Variants in CYRIB observed in about 807,000 individuals in gnomAD.
CYRIB encodes the protein CYFIP related Rac1 interactor B.
CYRIB carries 8 observed loss-of-function variants against 44.2 expected under a neutral mutation model. The observed-to-expected ratio is 0.18, with a 90% CI of 0.11 to 0.33. The LOEUF (loss-of-function observed/expected upper bound fraction) is 0.33. Ranked by LOEUF, CYRIB falls within the 10% of genes least tolerant of loss-of-function variation. The pLI is 1.00. For synonymous variants in CYRIB, 131 were observed against 127.2 expected (o/e 1.03, Z -0.20); for missense variants, 185 against 382.8 (o/e 0.48, Z 4.31).
chr8:129,878,229 C>G (rs1430462029), intron 3 of CYRIB, among the ~76,000 whole-genome samples: 3 of 152,150 alleles, frequency 2.0e-5, no homozygotes, highest in Admixed American at 1.3e-4. Flanking sequence ...CAAACTGTAA[C>G]AGATCCTTTA....
chr8:129,963,481 A>G (rs771786727), intron 2 of CYRIB, among the ~76,000 whole-genome samples: 2 of 152,232 alleles, frequency 1.3e-5, no homozygotes, highest in South Asian at 2.1e-4. Context: ...TTTAAAGCCA[A>G]TAAGATAACT....
intron 11 of CYRIB, 39 bp downstream of exon 13, chr8:129,846,765 A>C (rs1199402026): frequency 7.1e-7 from 1 of 1,415,414 alleles, no homozygotes; most frequent in East Asian, 2.4e-5. Context: ...TTTTCCTTAC[A>C]GATTTTTTCT....
At position 129,906,402 on chromosome 8, in the gene CYRIB, T is replaced by C. The variant is rs1404624493; in HGVS notation, c.-49-3052A>G. Among the ~76,000 whole-genome samples, 3 of 152,308 alleles carry C rather than the reference T, an allele frequency of 2.0e-5. No homozygotes were observed. In the South Asian group the frequency reaches 6.2e-4, roughly 32 times the overall value. On this transcript the variant is annotated intron_variant, in intron 1 of 11. Transcript: ENST00000519824. Reference sequence around the variant, plus strand: ...GCTGGGAAAACTGGCTAGCCATATGTAGAAAGCTGAAACTGGATCCCTTCC... The same window carrying C: ...GCTGGGAAAACTGGCTAGCCATATGCAGAAAGCTGAAACTGGATCCCTTCC...
chr8:129,900,256 C>T (rs2135578921), intron 2 of CYRIB, among the ~76,000 whole-genome samples: 1 of 152,252 alleles, frequency 6.6e-6, no homozygotes, highest in East Asian at 1.9e-4. Flanking sequence ...TTGAGAACCT[C>T]TTTAAAACAT....
intron 6 of CYRIB, 70 bp downstream of exon 8, chr8:129,855,541 G>T: frequency 6.7e-7 from 1 of 1,484,252 alleles, no homozygotes; most frequent in Non-Finnish European, 9.3e-7. Flanking sequence ...ATGTTTCCCG[G>T]CTCTTCCTCC....
intron 2 of CYRIB, among the ~76,000 whole-genome samples, chr8:129,897,923 G>A (rs1287740425): frequency 5.3e-5 from 8 of 151,812 alleles, no homozygotes; most frequent in Admixed American, 2.0e-4. Context: ...TTGCCAATAC[G>A]CCCGGCTGAT....
chr8:129,864,753 G>A lies in CYRIB; in HGVS notation c.196-2419C>T, dbSNP rs767488106. ...CTGCTGAAGTTTGCTCAAAGCCTTC[G>A]GTACATTGCTAAGGAGTGAGCTGGA... On this transcript the variant is annotated intron_variant, in intron 4 of 11. Coordinates refer to ENST00000519824, the Ensembl canonical transcript of CYRIB. 26 of 363,278 alleles carry A rather than the reference G, an allele frequency of 7.2e-5. No individual in the cohort carries two copies. The East Asian group carries it at 1.3e-3, about 18-fold the overall frequency. 22.5% of individuals were successfully genotyped at this position (363,278 alleles called of 1,614,324 possible).
At chr8:129,853,317 C>T (rs1034438816) in intron 7 of CYRIB, among the ~76,000 whole-genome samples, 11 of 152,178 alleles carry the variant, frequency 7.2e-5, no homozygotes, top group East Asian at 1.9e-4. Context: ...CAGTCTCACA[C>T]GAGGAACTGG....
intron 1 of CYRIB, among the ~76,000 whole-genome samples, chr8:129,915,776 A>G (rs1164534548): frequency 2.0e-5 from 3 of 152,182 alleles, no homozygotes; most frequent in Non-Finnish European, 4.4e-5. Context: ...TTGTGGGTCA[A>G]GCCTGAGAAA....
chr8:129,882,380 CAG>C (rs2061106225), intron 2 of CYRIB, among the ~76,000 whole-genome samples: 2 of 152,284 alleles, frequency 1.3e-5, no homozygotes, highest in Non-Finnish European at 2.9e-5. Context: ...AGCACTGACT[CAG>C]TGTCTGGCAC....
chr8:129,915,984 G>A (rs1249127754), intron 1 of CYRIB, among the ~76,000 whole-genome samples: 1 of 152,048 alleles, frequency 6.6e-6, no homozygotes, highest in Non-Finnish European at 1.5e-5. Flanking sequence ...AAAGAAAAAA[G>A]CCCATAGAGA....
At chr8:129,963,470 A>C (rs2095355166) in intron 2 of CYRIB, among the ~76,000 whole-genome samples, 1 of 152,248 alleles carries the variant, frequency 6.6e-6, no homozygotes, top group African/African-American at 2.4e-5. Flanking sequence ...AATTACAGCT[A>C]TTTAAAGCCA....
chr8:130,012,532 C>G (rs141974135), intron 1 of CYRIB, among the ~76,000 whole-genome samples: 8 of 107,978 alleles, frequency 7.4e-5, no homozygotes, highest in African/African-American at 2.9e-4. Flanking sequence ...TGCTGAGCAC[C>G]TCTAGGTGCC....
chr8:129,928,008 A>T (rs1390930483), intron 1 of CYRIB, among the ~76,000 whole-genome samples: 1 of 152,184 alleles, frequency 6.6e-6, no homozygotes, highest in African/African-American at 2.4e-5. Flanking sequence ...CATAGACCTA[A>T]ATGCAAGGAC....
At chr8:130,014,600 G>A (rs1056773063) in intron 1 of CYRIB, among the ~76,000 whole-genome samples, 1 of 152,192 alleles carries the variant, frequency 6.6e-6, no homozygotes, top group African/African-American at 2.4e-5. Context: ...TTTGGGAGCT[G>A]AGAAAGGAGA....
At chr8:129,967,928 A>G (rs1038608198) in intron 2 of CYRIB, among the ~76,000 whole-genome samples, 5 of 152,122 alleles carry the variant, frequency 3.3e-5, no homozygotes, top group African/African-American at 1.2e-4. Flanking sequence ...CCATTATTTC[A>G]TATACCCATC....
chr8:129,932,608 T>C (rs1461038084), intron 1 of CYRIB, among the ~76,000 whole-genome samples: 1 of 152,188 alleles, frequency 6.6e-6, no homozygotes, highest in African/African-American at 2.4e-5. Context: ...CTGCCCTTGA[T>C]CTTTAACACA....
exon 11 of CYRIB, chr8:129,846,856 C>T: frequency 6.3e-7 from 1 of 1,592,422 alleles, no homozygotes; most frequent in East Asian, 2.3e-5. Flanking sequence ...TCCTTAAGAA[C>T]TTTGATACAA....
At chr8:129,954,412 G>T (rs941266506) in intron 2 of CYRIB, among the ~76,000 whole-genome samples, 9 of 152,058 alleles carry the variant, frequency 5.9e-5, no homozygotes, top group African/African-American at 2.2e-4. Context: ...TAGTAGAGAT[G>T]GGGTTTCACC....
Sources: allele counts gnomAD v4.1 joint callset (sites outside exome capture counted in the v4.1 genomes callset), GRCh38; gene constraint gnomAD v4.1.1; transcripts MANE v1.5; gene names NCBI Gene and HGNC (gene_info 2026-07-23, HGNC 2026-07-21).